The following VPS13C variants were observed in gnomAD, a reference collection of about 807,000 sequenced individuals.
VPS13C encodes intermembrane lipid transfer protein VPS13C.
VPS13C carries 358 observed loss-of-function variants against 456.8 expected under a neutral mutation model. That is an observed-to-expected ratio of 0.78 (90% CI 0.72 to 0.86). The LOEUF is 0.86. Among genes scored for constraint, VPS13C ranks in the 40% least tolerant of loss-of-function variants. The probability of loss-of-function intolerance (pLI) is 0.00; values close to 1 mark genes in which losing one functional copy is unlikely to be tolerated. For missense variants in VPS13C, 4,818 were observed against 4,385.4 expected (o/e 1.10, Z -2.79); for synonymous variants, 1,578 against 1,486.7 (o/e 1.06, Z -1.41).
At position 61,978,691 on chromosome 15, in the gene VPS13C, A is replaced by G; in HGVS notation, c.2225T>C (p.Met742Thr). The change falls in exon 23 of 85, where the codon ATG (methionine) becomes ACG (threonine). Residue 742 changes from methionine (M) to threonine (T), a missense_variant. Transcript: ENST00000644861. ...KTTNSSLEEI[M>T]DKAYDKFDVE... ...ATCAAACTTGTCATATGCCTTATCC[A>G]TTATTTCTTCCAGAGATGAATTAGT... The G allele has an allele frequency of 6.2e-7, 1 of 1,612,890 alleles. No homozygotes were observed. Among genetic ancestry groups the G allele is most frequent in the East Asian group, 2.2e-5 (1 of 44,704 alleles).
At chr15:61,960,379 G>A (rs2045154263) in intron 35 of VPS13C, among the ~76,000 whole-genome samples, 1 of 152,174 alleles carries the variant, frequency 6.6e-6, no homozygotes, top group African/African-American at 2.4e-5. Flanking sequence ...TATACGCTAT[G>A]GGTGATCCTG....
intron 22 of VPS13C, 148 bp from the exon 23 acceptor site, chr15:61,978,897 T>C: frequency 1.4e-6 from 1 of 718,482 alleles, no homozygotes; most frequent in South Asian, 2.7e-5. Flanking sequence ...CATTTTAATT[T>C]TCAGATAATT....
intron 62 of VPS13C, among the ~76,000 whole-genome samples, chr15:61,912,640 GTT>G (rs112591175): frequency 2.2e-4 from 32 of 147,022 alleles, no homozygotes; most frequent in South Asian, 1.1e-3. Flanking sequence ...GAGCCAACTT[GTT>G]TTTTTTTTTT....
At position 61,954,462 on chromosome 15, in the gene VPS13C, C is replaced by T. The variant is rs754288827; in HGVS notation, c.4258G>A (p.Val1420Ile). 9.9e-6 allele frequency: 16 copies of T among 1,609,274 alleles called. No individual in the cohort carries two copies. Among genetic ancestry groups the T allele is most frequent in the African/African-American group, 1.3e-5 (1 of 74,846 alleles). ...LTTGVEEIRS[V>I]DIINMLLNFE... is the part of the protein sequence containing the mutation. Reference sequence around the variant, plus strand: ...TTCAGCAGCATATTAATGATGTCTACAGACCTAATTTCTTCCACTCCAGTT... The same window carrying T: ...TTCAGCAGCATATTAATGATGTCTATAGACCTAATTTCTTCCACTCCAGTT... Residue 1420 changes from valine (V) to isoleucine (I), a missense_variant, in exon 38 of 85, where the codon GTA becomes ATA. By Grantham distance (29) the Val-to-Ile change is conservative. Transcript: ENST00000644861.
chr15:61,950,289 T>C (rs372415809), intron 41 of VPS13C, 69 bp downstream of exon 41: 17 of 1,157,566 alleles, frequency 1.5e-5, no homozygotes, highest in South Asian at 6.3e-5. Context: ...AATCTCACAG[T>C]TGAAAATGGC....
intron 45 of VPS13C, 35 bp from the exon 46 acceptor site, chr15:61,942,102 G>A: frequency 6.7e-7 from 1 of 1,499,474 alleles, no homozygotes; most frequent in Non-Finnish European, 8.9e-7. Context: ...GGGAAAAAAG[G>A]CATTTATTTT....
Position 61,890,188 on chromosome 15 carries a change from T to G in VPS13C, c.9318A>C (p.Glu3106Asp). ...ACCTGGTTATCCCAATATAGGAAACTTCCTGCTTGCTTTCATTGTTAACCA... is the reference window on the plus strand; with the variant it reads ...ACCTGGTTATCCCAATATAGGAAACGTCCTGCTTGCTTTCATTGTTAACCA... ...LSLVNNESKQ[E>D]VSYIGITSSG... The change falls in exon 67 of 85, where the codon GAA becomes GAC. Residue 3106 changes from glutamate to aspartate, a missense_variant. Physicochemically the swap from Glu to Asp is conservative, Grantham distance 45. Transcript: ENST00000644861. 6.2e-7 allele frequency: 1 copy of G among 1,614,128 alleles called. No individual in the cohort carries two copies. The highest frequency in any genetic ancestry group is 8.5e-7 in the Non-Finnish European group (1 of 1,180,008).
chr15:62,029,977 A>C (rs1227651592), intron 5 of VPS13C, among the ~76,000 whole-genome samples: 1 of 152,088 alleles, frequency 6.6e-6, no homozygotes, highest in African/African-American at 2.4e-5. Flanking sequence ...GGACCCAGGA[A>C]ACAGGGAATT....
At chr15:62,036,228 G>T (rs929490995) in intron 3 of VPS13C, among the ~76,000 whole-genome samples, 6 of 113,438 alleles carry the variant, frequency 5.3e-5, no homozygotes, top group African/African-American at 1.9e-4. Flanking sequence ...AGTCATGCTT[G>T]TATGTGAATA....
In VPS13C at chr15:61,917,442, A is replaced by T; in HGVS notation, c.7954T>A (p.Cys2652Ser). Residue 2652 changes from cysteine to serine, a missense_variant, in exon 60 of 85, where the codon TGT becomes AGT. By Grantham distance (112) the Cys-to-Ser change is moderately radical. Around this residue, in one of 3 missense-constraint regions of VPS13C, gnomAD observed 4,552 missense variants for 4,130.6 expected, o/e 1.10. Transcript: ENST00000644861. ...VALPDELSYI[C>S]THGEDWDVAY... ...ACATCCCAGTCTTCCCCATGTGTAC[A>T]TATGTAGCTCAATTCATCAGGCAGA... is the stretch of plus-strand genomic sequence containing the variant. 1 of 1,614,076 alleles carries T rather than the reference A, an allele frequency of 6.2e-7. No individual in the cohort carries two copies. The highest frequency in any genetic ancestry group is 8.5e-7 in the Non-Finnish European group (1 of 1,179,930).
At chr15:61,974,552 T>G (rs773397892) in intron 24 of VPS13C, 135 bp from the exon 25 acceptor site, 7 of 828,248 alleles carry the variant, frequency 8.5e-6, no homozygotes, top group Non-Finnish European at 1.2e-5. Flanking sequence ...AATGCCTCAT[T>G]TAGACAACAT....
chr15:61,918,869 G>A (rs183946847), intron 58 of VPS13C, among the ~76,000 whole-genome samples: 1 of 152,156 alleles, frequency 6.6e-6, no homozygotes, highest in African/African-American at 2.4e-5. Flanking sequence ...ATGCTAAAAT[G>A]TTTTTCAGAG....
Position 62,010,679 on chromosome 15 carries a change from T to C in VPS13C, c.884-80A>G. 3.7e-6 allele frequency: 5 copies of C among 1,337,694 alleles called. No individual in the cohort carries two copies. In the South Asian group the frequency reaches 5.8e-5, roughly 16 times the overall value. The allele number at this position is 1,337,694 out of a possible 1,614,324, so 82.9% of individuals were successfully genotyped here. On this transcript the variant is annotated intron_variant, in intron 12 of 84. Coordinates refer to ENST00000644861, the MANE Select transcript of VPS13C (RefSeq NM_020821.3). Reference sequence around the variant, plus strand: ...AGTGTAAATAATTATGAGAACACTGTTACTCTAGAAGTAAAGAAAAATGAT... The same window carrying C: ...AGTGTAAATAATTATGAGAACACTGCTACTCTAGAAGTAAAGAAAAATGAT...
intron 16 of VPS13C, among the ~76,000 whole-genome samples, chr15:62,000,055 T>C (rs1480546019): frequency 6.6e-6 from 1 of 152,110 alleles, no homozygotes; most frequent in Non-Finnish European, 1.5e-5. Flanking sequence ...GTTTTTCAGA[T>C]TTTTCATTAT....
At chr15:62,054,497 C>A (rs2048724947) in intron 1 of VPS13C, among the ~76,000 whole-genome samples, 1 of 152,118 alleles carries the variant, frequency 6.6e-6, no homozygotes. Flanking sequence ...CACATGTTCT[C>A]ATTCATAAGT....
At chr15:61,855,108 G>A (rs946107367) in intron 83 of VPS13C, among the ~76,000 whole-genome samples, 154 bp from the exon 84 acceptor site, 6 of 152,130 alleles carry the variant, frequency 3.9e-5, no homozygotes, top group Non-Finnish European at 2.9e-5. Context: ...AAATCATCTT[G>A]GAACAAGGAC....
At position 62,008,768 on chromosome 15, in the gene VPS13C, A is replaced by G; in HGVS notation, c.1012-7T>C. The G allele has an allele frequency of 6.7e-7, 1 of 1,490,152 alleles. No homozygotes were observed. The highest frequency in any genetic ancestry group is 9.1e-7 in the Non-Finnish European group (1 of 1,098,282). The allele number at this position is 1,490,152 out of a possible 1,614,324, so 92.3% of individuals were successfully genotyped here. ...GGTCAATCATACTTAAGTACTGTTAAAACAAAAATAAAATTATATTTATTA... is the reference window on the plus strand; with the variant it reads ...GGTCAATCATACTTAAGTACTGTTAGAACAAAAATAAAATTATATTTATTA... On this transcript the variant is annotated splice_polypyrimidine_tract_variant and splice_region_variant and intron_variant, in intron 13 of 84. Transcript: ENST00000644861.
chr15:61,881,946 G>A, intron 69 of VPS13C, 118 bp from the exon 70 acceptor site: 1 of 877,996 alleles, frequency 1.1e-6, no homozygotes. Context: ...GCGTGTATAT[G>A]CGGTGTAATT....
At chr15:62,000,501 C>T in intron 16 of VPS13C, 63 bp downstream of exon 16, 2 of 1,455,230 alleles carry the variant, frequency 1.4e-6, no homozygotes, top group Non-Finnish European at 1.9e-6. Context: ...ATTTCTTGAT[C>T]CTAGGTTTAA....
Sources: allele counts gnomAD v4.1 joint callset (sites outside exome capture counted in the v4.1 genomes callset), GRCh38; gene constraint gnomAD v4.1.1; regional missense constraint gnomAD v4.1.1; transcripts MANE v1.5; gene names NCBI Gene and HGNC (gene_info 2026-07-23, HGNC 2026-07-21).